Variants in SSH1 observed in about 807,000 individuals in gnomAD.
SSH1 encodes the protein protein phosphatase Slingshot homolog 1.
Under a neutral mutation model 79.7 loss-of-function variants are expected in SSH1, and 43 were observed. The ratio of observed to expected loss-of-function variants is 0.54; its 90% CI spans 0.42 to 0.70. The LOEUF (loss-of-function observed/expected upper bound fraction) is 0.70, where lower values mean the gene tolerates loss of function less well. Among genes scored for constraint, SSH1 ranks in the 30% least tolerant of loss-of-function variants. The pLI is 0.00. For missense variants in SSH1, 1,206 were observed against 1,358.8 expected (o/e 0.89, Z 1.77); for synonymous variants, 599 against 538.3 (o/e 1.11, Z -1.56).
intron 14 of SSH1, 99 bp downstream of exon 14, chr12:108,792,187 G>T: frequency 6.3e-7 from 1 of 1,579,404 alleles, no homozygotes; most frequent in Non-Finnish European, 8.6e-7. Flanking sequence ...GGGTGTGGTG[G>T]CGGGTGCCTG....
chr12:108,800,245 G>T (rs1171337246), intron 12 of SSH1, among the ~76,000 whole-genome samples: 1 of 152,096 alleles, frequency 6.6e-6, no homozygotes, highest in Admixed American at 6.5e-5. Flanking sequence ...AGGTGAAACC[G>T]CTGACGGGCT....
chr12:108,855,114 C>T (rs1193377622), intron 1 of SSH1, among the ~76,000 whole-genome samples: 1 of 152,034 alleles, frequency 6.6e-6, no homozygotes, highest in East Asian at 1.9e-4. Flanking sequence ...AAATGTCCAA[C>T]AAAATGTGGT....
chr12:108,829,779 T>C (rs982970687), intron 2 of SSH1, among the ~76,000 whole-genome samples: 28 of 152,132 alleles, frequency 1.8e-4, no homozygotes, highest in African/African-American at 6.3e-4. Context: ...GGAAGGTCTG[T>C]GATGAGTCCT....
At chr12:108,793,417 G>GTT (rs2036603209) in intron 13 of SSH1, among the ~76,000 whole-genome samples, 1 of 138,712 alleles carries the variant, frequency 7.2e-6, no homozygotes, top group Non-Finnish European at 1.5e-5. Flanking sequence ...TTTTTTTTGA[G>GTT]ATGAGGGTCT....
intron 2 of SSH1, among the ~76,000 whole-genome samples, chr12:108,824,884 C>T (rs746170345): frequency 1.3e-5 from 2 of 152,178 alleles, no homozygotes; most frequent in Admixed American, 1.3e-4. Flanking sequence ...ATACCATCAA[C>T]TCTCAAAATT....
intron 3 of SSH1, among the ~76,000 whole-genome samples, chr12:108,819,110 G>A (rs1187346164): frequency 1.3e-5 from 2 of 152,182 alleles, no homozygotes; most frequent in Non-Finnish European, 2.9e-5. Flanking sequence ...CATAACCGGG[G>A]GGGCGGGGGG....
chr12:108,789,533 A>G (rs1162998523), intron 14 of SSH1, among the ~76,000 whole-genome samples: 1 of 152,186 alleles, frequency 6.6e-6, no homozygotes, highest in East Asian at 1.9e-4. Context: ...AACGTGACAC[A>G]TGCCTCTGTG....
At chr12:108,827,224 C>A in intron 2 of SSH1, 1 of 1,519,660 alleles carries the variant, frequency 6.6e-7, no homozygotes, top group African/African-American at 1.4e-5. Flanking sequence ...AGAAACCAAG[C>A]CATGGCAGGA....
chr12:108,827,577 G>GA lies in SSH1; in HGVS notation c.111-4217dup, dbSNP rs1012923068. On this transcript the variant is annotated intron_variant, in intron 2 of 14. Transcript: ENST00000326495. ...GGCCCTTGTCCCAGCACATCCTGAT[G>GA]AAAGAGGGCCATTCAGCAAAACAGC... The GA allele has an allele frequency of 7.6e-5, 95 of 1,254,858 alleles. No individual in the cohort carries two copies. In the African/African-American group the frequency reaches 1.4e-3, roughly 18 times the overall value. The allele number at this position is 1,254,858 out of a possible 1,614,324, so 77.7% of individuals were successfully genotyped here. A position where few individuals can be genotyped will look rare whatever the true frequency, so the allele number is the denominator to read the frequency against.
intron 2 of SSH1, among the ~76,000 whole-genome samples, chr12:108,843,099 T>C (rs1219097991): frequency 6.6e-6 from 1 of 152,208 alleles, no homozygotes; most frequent in Non-Finnish European, 1.5e-5. Flanking sequence ...GGAATTTTTA[T>C]TTTGTTTGTT....
In SSH1 at chr12:108,781,053, AAAG is replaced by A. The variant is rs931135878; in HGVS notation, c.*6932_*6934del. 6 of 151,998 alleles carry A rather than the reference AAAG, an allele frequency of 3.9e-5. No homozygotes were observed. The highest frequency in any genetic ancestry group is 7.3e-5 in the Non-Finnish European group (5 of 68,032). The allele number at this position is 151,998 out of a possible 1,614,324, so 9.4% of individuals were successfully genotyped here. A position where few individuals can be genotyped will look rare whatever the true frequency, so the allele number is the denominator to read the frequency against. On this transcript the variant is annotated 3_prime_UTR_variant, in exon 15 of 15. Coordinates refer to ENST00000326495, the MANE Select transcript of SSH1 (RefSeq NM_018984.4). ...AACTCCATCTCAAAAGAAAAAAAAA[AAAG>A]AAGCATCCCACTAAACTTTTAATAT...
chr12:108,826,128 A>G (rs1343303161), intron 2 of SSH1: 1 of 455,774 alleles, frequency 2.2e-6, no homozygotes, highest in Admixed American at 2.4e-5. Flanking sequence ...CGCTGGAAAC[A>G]GCCAACCATT....
rs373222883 is a variant in SSH1, at chr12:108,802,683, G to T, written c.955-315C>A. 4.6e-5 allele frequency among the ~76,000 whole-genome samples: 7 copies of T among 152,178 alleles called. No homozygotes were observed. The East Asian group carries it at 7.7e-4, about 17-fold the overall frequency. Reference sequence around the variant, plus strand: ...ACTTCCTTTCCTAAGAGTCCAGTGGGGGGGGGTCCTGTAAGCAGAGGCAAT... The same window carrying T: ...ACTTCCTTTCCTAAGAGTCCAGTGGTGGGGGGTCCTGTAAGCAGAGGCAAT... On this transcript the variant is annotated intron_variant, in intron 10 of 14. Coordinates refer to ENST00000326495, the MANE Select transcript of SSH1 (RefSeq NM_018984.4).
chr12:108,826,966 C>CTT (rs2038333289), intron 2 of SSH1, among the ~76,000 whole-genome samples: 1 of 151,308 alleles, frequency 6.6e-6, no homozygotes, highest in South Asian at 2.1e-4. Flanking sequence ...ACGGAAATGT[C>CTT]TTCCTCCACC....
intron 2 of SSH1, among the ~76,000 whole-genome samples, chr12:108,828,478 C>G (rs1456457690): frequency 6.6e-6 from 1 of 152,174 alleles, no homozygotes; most frequent in Non-Finnish European, 1.5e-5. Context: ...TCATGCCTGC[C>G]CAGGTGCCTA....
chr12:108,791,911 A>G lies in SSH1; in HGVS notation c.1893+375T>C, dbSNP rs145424036. ...GATGAAAAAGAATAGTCATATATCG[A>G]TAAAGGCTGAAGTTGGCTGATAAAT... On this transcript the variant is annotated intron_variant, in intron 14 of 14. Coordinates refer to ENST00000326495, the MANE Select transcript of SSH1 (RefSeq NM_018984.4). 2.1e-3 allele frequency: 2,691 copies of G among 1,305,440 alleles called. 8 individuals carry two copies. The highest frequency in any genetic ancestry group is 4.6e-3 in the Middle Eastern group (16 of 3,444). 80.9% of individuals were successfully genotyped at this position (1,305,440 alleles called of 1,614,324 possible).
intron 2 of SSH1, among the ~76,000 whole-genome samples, chr12:108,836,276 C>T (rs1466908921): frequency 1.3e-5 from 2 of 151,996 alleles, no homozygotes; most frequent in African/African-American, 2.4e-5. Context: ...TGTGTATGCA[C>T]GTACATACAA....
rs779388667 is a variant in SSH1 at position 108,792,478 on chromosome 12, A to G, written c.1701T>C (p.Asp567=). 1.2e-6 allele frequency: 2 copies of G among 1,614,092 alleles called. No homozygotes were observed. Among genetic ancestry groups the G allele is most frequent in the Admixed American group, 3.3e-5 (2 of 60,004 alleles). Residue 567 remains aspartate, a synonymous_variant, in exon 14 of 15, where the codon GAT becomes GAC. Transcript: ENST00000326495. The stretch of plus-strand genomic sequence containing the variant: ...TCCCAAACTCTAGTTTCTTCTTCAC[A>G]TCCTTCTCACAGAGTCCGGAACCTT... ...PQQGSGLCEK[D]VKKKLEFGSP...
Position 108,786,759 on chromosome 12 carries a change from T to C in SSH1, c.*1229A>G, listed in dbSNP as rs1020305248. On this transcript the variant is annotated 3_prime_UTR_variant, in exon 15 of 15. Coordinates refer to ENST00000326495, the MANE Select transcript of SSH1 (RefSeq NM_018984.4). ...GACCCCTGAATTCAACCTTTCTGCT[T>C]TTCTGCAAGCTGCCTCTCTCTCGAA... The C allele has an allele frequency of 1.3e-5, 2 of 152,226 alleles. No homozygotes were observed. Among genetic ancestry groups the C allele is most frequent in the Non-Finnish European group, 2.9e-5 (2 of 68,054 alleles). The allele number at this position is 152,226 out of a possible 1,614,324, so 9.4% of individuals were successfully genotyped here.
Sources: allele counts gnomAD v4.1 joint callset (sites outside exome capture counted in the v4.1 genomes callset), GRCh38; gene constraint gnomAD v4.1.1; transcripts MANE v1.5; gene names NCBI Gene and HGNC (gene_info 2026-07-23, HGNC 2026-07-21).